CHUK: variants seen among roughly 807,000 people sequenced by gnomAD.
CHUK encodes the protein component of inhibitor of nuclear factor kappa B kinase complex, also known as inhibitor of nuclear factor kappa-B kinase subunit alpha.
Under a neutral mutation model 104.8 loss-of-function variants are expected in CHUK, and 35 were observed. That is an observed-to-expected ratio of 0.33 (90% CI 0.26 to 0.44). The LOEUF (loss-of-function observed/expected upper bound fraction) is 0.44. Among genes scored for constraint, CHUK ranks in the 20% least tolerant of loss-of-function variants. The pLI is 1.00. For missense variants in CHUK, 663 were observed against 902.7 expected, an observed-to-expected ratio of 0.73 and a Z score of 3.40; for synonymous variants, 276 against 291.9, an observed-to-expected ratio of 0.95 and a Z score of 0.56.
intron 17 of CHUK, 67 bp downstream of exon 17, chr10:100,194,358 T>C: frequency 7.9e-7 from 1 of 1,268,172 alleles, no homozygotes. Context: ...AGAGGGCTTT[T>C]GTACTTTGAG....
intron 2 of CHUK, among the ~76,000 whole-genome samples, chr10:100,224,486 G>C (rs1056437338): frequency 2.6e-5 from 4 of 152,130 alleles, no homozygotes; most frequent in African/African-American, 4.8e-5. Context: ...GCCCAGGCTG[G>C]AGTGCAGTGG....
At position 100,209,696 on chromosome 10, in the gene CHUK, G is replaced by A. The variant is rs762306632; in HGVS notation, c.1027C>T (p.Arg343Cys). ...SLHSLQSRIE[R>C]ETGINTGSQE... ...GAACCAGTATTTATTCCAGTTTCAC[G>A]CTCAATACGAGACTGTAGTGAATGA... is the stretch of plus-strand genomic sequence containing the variant. Residue 343 changes from arginine to cysteine, a missense_variant, in exon 10 of 21, where the codon CGT becomes TGT. Physicochemically the swap from Arg to Cys is radical, Grantham distance 180. Around this residue, in one of 5 missense-constraint regions of CHUK, gnomAD observed 93 missense variants for 95.9 expected, o/e 0.97. Coordinates refer to ENST00000370397, the MANE Select transcript of CHUK (RefSeq NM_001278.5). 1.4e-5 allele frequency: 22 copies of A among 1,577,944 alleles called. No homozygotes were observed. The highest frequency in any genetic ancestry group is 6.7e-5 in the Admixed American group (4 of 59,948).
At chr10:100,204,694 GAT>G (rs767716079) in intron 12 of CHUK, 37 bp from the exon 13 acceptor site, 3 of 1,508,988 alleles carry the variant, frequency 2.0e-6, no homozygotes, top group African/African-American at 2.8e-5. Flanking sequence ...AAAGAAAAAA[GAT>G]ATTATCAGCA....
chr10:100,192,518 G>T, intron 19 of CHUK: 1 of 703,622 alleles, frequency 1.4e-6, no homozygotes, highest in Non-Finnish European at 1.7e-6. Flanking sequence ...AGTACAGAAT[G>T]TGCAACTGCA....
chr10:100,220,735 T>C (rs1845967516), intron 4 of CHUK, 59 bp from the exon 5 acceptor site: 1 of 1,089,664 alleles, frequency 9.2e-7, no homozygotes, highest in Admixed American at 1.8e-5. Flanking sequence ...AAAAGAAAAA[T>C]TCACCTCACA....
rs374767476 is a variant in CHUK, at chr10:100,196,600, T to C, written c.1730-2079A>G. Among the ~76,000 whole-genome samples, 428 of 152,208 alleles carry C rather than the reference T, an allele frequency of 2.8e-3. 19 individuals are homozygous for C. In the South Asian group the frequency reaches 0.087, roughly 31 times the overall value. ...TTTTTTTGTAGAGACAGGGTCTCAC[T>C]ATGTTGCCCAGACTGGTCTCAAACT... is the stretch of plus-strand genomic sequence containing the variant. On this transcript the variant is annotated intron_variant, in intron 16 of 20. Transcript: ENST00000370397.
At chr10:100,191,015 T>C (rs1398855106) in intron 19 of CHUK, 47 bp from the exon 20 acceptor site, 3 of 1,132,754 alleles carry the variant, frequency 2.6e-6, no homozygotes, top group Admixed American at 1.7e-5. Context: ...GAAAAGGGCA[T>C]ATGAATTTCC....
At chr10:100,200,617 A>G in intron 15 of CHUK, 54 bp downstream of exon 15, 1 of 886,868 alleles carries the variant, frequency 1.1e-6, no homozygotes, top group Non-Finnish European at 1.9e-6. Context: ...ATGTAAGCAG[A>G]AAGAATACAA....
chr10:100,225,683 C>T (rs1334786329), intron 2 of CHUK, among the ~76,000 whole-genome samples: 3 of 152,048 alleles, frequency 2.0e-5, no homozygotes, highest in Admixed American at 6.6e-5. Context: ...TACTGTTTTC[C>T]GTAACAGTTG....
intron 10 of CHUK, 108 bp downstream of exon 10, chr10:100,209,487 A>G: frequency 2.7e-6 from 2 of 730,782 alleles, no homozygotes; most frequent in Non-Finnish European, 4.9e-6. Context: ...CAAAACCAAA[A>G]CAAAATGTGC....
intron 1 of CHUK, among the ~76,000 whole-genome samples, chr10:100,226,535 T>C (rs1195082442): frequency 6.6e-6 from 1 of 152,238 alleles, no homozygotes; most frequent in East Asian, 1.9e-4. Flanking sequence ...AGTGTACTTC[T>C]GCTTCCATAG....
At chr10:100,195,356 T>C (rs1289974171) in intron 16 of CHUK, 1 of 152,204 alleles carries the variant, frequency 6.6e-6, no homozygotes, top group African/African-American at 2.4e-5. Flanking sequence ...ACTACTTTTG[T>C]TACCCCCATT....
At chr10:100,222,303 C>A in intron 3 of CHUK, 122 bp from the exon 4 acceptor site, 1 of 656,590 alleles carries the variant, frequency 1.5e-6, no homozygotes, top group Non-Finnish European at 2.7e-6. Flanking sequence ...TAATAAAATA[C>A]AAGGGAATAA....
chr10:100,196,644 TCCTGTCTCAG>T (rs1845337821), intron 16 of CHUK, among the ~76,000 whole-genome samples: 1 of 152,140 alleles, frequency 6.6e-6, no homozygotes, highest in Admixed American at 6.5e-5. Context: ...CAAACGATCC[TCCTGTCTCAG>T]CCTCCCAAAG....
intron 20 of CHUK, chr10:100,190,582 C>A: frequency 4.7e-6 from 2 of 426,898 alleles, no homozygotes; most frequent in Non-Finnish European, 8.7e-6. Flanking sequence ...CAAAAAGGTA[C>A]AGAACAAACC....
chr10:100,190,491 T>C (rs943058995), intron 20 of CHUK: 28 of 263,898 alleles, frequency 1.1e-4, no homozygotes, highest in Non-Finnish European at 3.7e-5. Flanking sequence ...TATATTAACA[T>C]AATTTATTTT....
chr10:100,223,287 C>T (rs1846031574), intron 2 of CHUK, among the ~76,000 whole-genome samples: 1 of 152,160 alleles, frequency 6.6e-6, no homozygotes, highest in Non-Finnish European at 1.5e-5. Context: ...ACTTTCACCA[C>T]ACAGGAGAAA....
Position 100,222,146 on chromosome 10 carries a change from T to A in CHUK, c.351A>T (p.Lys117Asn). The A allele has an allele frequency of 6.3e-7, 1 of 1,598,138 alleles. No individual in the cohort carries two copies. Among genetic ancestry groups the A allele is most frequent in the Non-Finnish European group, 8.6e-7 (1 of 1,166,796 alleles). Residue 117 changes from lysine (K) to asparagine (N), a missense_variant, in exon 4 of 21, where the codon AAA (lysine) becomes AAT (asparagine). Coordinates refer to ENST00000370397, the MANE Select transcript of CHUK (RefSeq NM_001278.5). ...TTAGTAAAGAAAGTATCTGGCTTTC[T>A]TTAAGTCCACAACAATTTTCTGGTT... ...LNKPENCCGLKESQILSLLSD... is the reference protein window; with the variant it reads ...LNKPENCCGLNESQILSLLSD...
At chr10:100,193,862 G>A (rs1845262428) in intron 18 of CHUK, 122 bp downstream of exon 18, 1 of 842,148 alleles carries the variant, frequency 1.2e-6, no homozygotes, top group Non-Finnish European at 2.0e-6. Context: ...GAACATGGAT[G>A]TCATCCCAAT....
Sources: allele counts gnomAD v4.1 joint callset (sites outside exome capture counted in the v4.1 genomes callset), GRCh38; gene constraint gnomAD v4.1.1; regional missense constraint gnomAD v4.1.1; transcripts MANE v1.5; gene names NCBI Gene and HGNC (gene_info 2026-07-23, HGNC 2026-07-21).